The following ZNF385D variants were observed in gnomAD, a reference collection of about 807,000 sequenced individuals.
The protein encoded by ZNF385D is zinc finger protein 659.
A neutral mutation model predicts 35.8 loss-of-function variants in ZNF385D; 15 were observed. The ratio of observed to expected loss-of-function variants is 0.42; its 90% confidence interval spans 0.28 to 0.64. The LOEUF (loss-of-function observed/expected upper bound fraction) is 0.64. Among genes scored for constraint, ZNF385D ranks in the 30% least tolerant of loss-of-function variants. ZNF385D has a pLI of 0.23. For synonymous variants in ZNF385D, 212 were observed against 186.8 expected, an observed-to-expected ratio of 1.13 and a Z score of -1.10; for missense variants, 474 against 494.6, an observed-to-expected ratio of 0.96 and a Z score of 0.39.
At chr3:22,334,347 C>T (rs1196170543) in intron 2 of ZNF385D, among the ~76,000 whole-genome samples, 1 of 152,088 alleles carries the variant, frequency 6.6e-6, no homozygotes, top group Admixed American at 6.6e-5. Context: ...ATAGTATTGA[C>T]TTAAAGCCTA....
Position 22,272,919 on chromosome 3 carries a change from C to T in ZNF385D, c.106+99531G>A, listed in dbSNP as rs998259914. ...TACCTCGGGGGCCAACTTTCAGAAA[C>T]GATCAGAAATAAGAGAGGACAAAAT... is the stretch of plus-strand genomic sequence containing the variant. On this transcript the variant is annotated intron_variant, in intron 2 of 5. Transcript: ENST00000494108. Among the ~76,000 whole-genome samples the T allele has an allele frequency of 2.6e-5, 4 of 151,968 alleles. No individual in the cohort carries two copies. The East Asian group carries it at 7.8e-4, about 30-fold the overall frequency.
At chr3:21,964,841 G>C (rs1489898075) in intron 3 of ZNF385D, among the ~76,000 whole-genome samples, 1 of 151,990 alleles carries the variant, frequency 6.6e-6, no homozygotes, top group Non-Finnish European at 1.5e-5. Context: ...ATGTTCAAAG[G>C]TAATAATTTC....
chr3:22,212,131 A>T (rs994596319), intron 2 of ZNF385D, among the ~76,000 whole-genome samples: 4 of 151,940 alleles, frequency 2.6e-5, no homozygotes, highest in Non-Finnish European at 4.4e-5. Context: ...CAAATGTCAA[A>T]AAGTTGGGCA....
rs918109912 is a variant in ZNF385D at position 21,920,554 on chromosome 3, A to G, written c.325+248263T>C. On this transcript the variant is annotated intron_variant, in intron 3 of 5. Coordinates refer to the ZNF385D transcript ENST00000494108. ...TTAACATAGGCTTAAGCAAGCCCTG[A>G]AAGTGACTGAGATCATTCTGGAAGA... 4.0e-5 allele frequency among the ~76,000 whole-genome samples: 6 copies of G among 151,838 alleles called. No individual in the cohort carries two copies. The East Asian group carries it at 9.7e-4, about 25-fold the overall frequency.
intron 2 of ZNF385D, among the ~76,000 whole-genome samples, chr3:22,180,881 G>A (rs906367290): frequency 9.3e-5 from 13 of 139,622 alleles, no homozygotes; most frequent in African/African-American, 2.7e-4. Flanking sequence ...TGAAGATTTC[G>A]GCTTGTAAAT....
At chr3:22,312,335 A>G (rs1199004117) in intron 2 of ZNF385D, among the ~76,000 whole-genome samples, 2 of 152,282 alleles carry the variant, frequency 1.3e-5, no homozygotes, top group East Asian at 1.9e-4. Flanking sequence ...GAGCATGAAG[A>G]TACAAAATTA....
At chr3:21,733,952 T>C (rs1373163118) in intron 1 of ZNF385D, among the ~76,000 whole-genome samples, 1 of 152,190 alleles carries the variant, frequency 6.6e-6, no homozygotes, top group East Asian at 1.9e-4. Flanking sequence ...TATTTGTCTA[T>C]TATTCAAGAC....
intron 3 of ZNF385D, among the ~76,000 whole-genome samples, chr3:22,023,839 G>T (rs549248846): frequency 6.6e-6 from 1 of 152,054 alleles, no homozygotes; most frequent in South Asian, 2.1e-4. Context: ...CTGGTACAGG[G>T]CTGTAGGATG....
At chr3:21,481,053 G>A (rs998910526) in intron 4 of ZNF385D, among the ~76,000 whole-genome samples, 1 of 152,110 alleles carries the variant, frequency 6.6e-6, no homozygotes, top group Admixed American at 6.6e-5. Context: ...CAGAGTGAGA[G>A]GTGGTGAGAA....
intron 3 of ZNF385D, among the ~76,000 whole-genome samples, chr3:22,103,043 C>T (rs1362686527): frequency 1.3e-5 from 2 of 151,126 alleles, no homozygotes; most frequent in Non-Finnish European, 2.9e-5. Context: ...GGCTTTTATG[C>T]AACTAAAGTC....
chr3:21,726,358 T>C (rs2068765940), intron 1 of ZNF385D, among the ~76,000 whole-genome samples: 2 of 152,102 alleles, frequency 1.3e-5, no homozygotes, highest in South Asian at 4.1e-4. Flanking sequence ...AAATAAAGGA[T>C]ACTCAAATAG....
chr3:21,472,394 T>C (rs969027576), intron 4 of ZNF385D, among the ~76,000 whole-genome samples: 1 of 152,038 alleles, frequency 6.6e-6, no homozygotes, highest in African/African-American at 2.4e-5. Flanking sequence ...GTTAGTAGGG[T>C]ATCCCTAAAT....
intron 1 of ZNF385D, among the ~76,000 whole-genome samples, chr3:21,674,910 G>GGATGGATA (rs1308006646): frequency 6.7e-6 from 1 of 150,282 alleles, no homozygotes; most frequent in African/African-American, 2.4e-5. Flanking sequence ...ATGGATGGAT[G>GGATGGATA]GATGGATGGA....
At chr3:22,232,215 C>T (rs1049711364) in intron 2 of ZNF385D, among the ~76,000 whole-genome samples, 6 of 152,140 alleles carry the variant, frequency 3.9e-5, no homozygotes, top group East Asian at 3.9e-4. Context: ...AATCATTATC[C>T]CCCTACCTTT....
At chr3:22,064,072 C>T (rs563215417) in intron 3 of ZNF385D, among the ~76,000 whole-genome samples, 9 of 152,198 alleles carry the variant, frequency 5.9e-5, no homozygotes, top group Non-Finnish European at 1.2e-4. Flanking sequence ...ATGCTTCACA[C>T]TTTGTACCTC....
intron 2 of ZNF385D, among the ~76,000 whole-genome samples, chr3:21,602,039 A>G (rs932243871): frequency 6.6e-6 from 1 of 152,256 alleles, no homozygotes; most frequent in African/African-American, 2.4e-5. Context: ...ACAGTTCCAC[A>G]TGGCTAGGGA....
intron 3 of ZNF385D, among the ~76,000 whole-genome samples, chr3:21,553,178 G>T (rs1452395024): frequency 6.6e-6 from 1 of 152,168 alleles, no homozygotes; most frequent in African/African-American, 2.4e-5. Context: ...TAACCTTGCA[G>T]ACAACCTGAC....
At chr3:21,782,540 G>A (rs2071533858) in intron 3 of ZNF385D, among the ~76,000 whole-genome samples, 1 of 151,946 alleles carries the variant, frequency 6.6e-6, no homozygotes, top group Non-Finnish European at 1.5e-5. Context: ...TGTCATTTGT[G>A]TCTCCTTTTC....
intron 1 of ZNF385D, among the ~76,000 whole-genome samples, chr3:21,707,695 G>C (rs2067958160): frequency 6.6e-6 from 1 of 152,180 alleles, no homozygotes; most frequent in East Asian, 1.9e-4. Flanking sequence ...TTCGAATATA[G>C]ATATAAATTT....
Sources: allele counts gnomAD v4.1 joint callset (sites outside exome capture counted in the v4.1 genomes callset), GRCh38; gene constraint gnomAD v4.1.1; transcripts MANE v1.5; gene names NCBI Gene and HGNC (gene_info 2026-07-23, HGNC 2026-07-21).